ELMO1: variants seen among roughly 807,000 people sequenced by gnomAD.
ELMO1 encodes the protein engulfment and cell motility 1.
ELMO1 carries 26 observed loss-of-function variants against 98.9 expected under a neutral mutation model. The ratio of observed to expected loss-of-function variants is 0.26; its 90% CI spans 0.19 to 0.36. The LOEUF is 0.36. Ranked by LOEUF, ELMO1 falls within the 10% of genes least tolerant of loss-of-function variation. The probability of loss-of-function intolerance (pLI) is 1.00; values close to 1 mark genes in which losing one functional copy is unlikely to be tolerated. For synonymous variants in ELMO1, 346 were observed against 346.0 expected, an observed-to-expected ratio of 1.00 and a Z score of 0.00; for missense variants, 627 against 935.2, an observed-to-expected ratio of 0.67 and a Z score of 4.30.
intron 14 of ELMO1, among the ~76,000 whole-genome samples, chr7:37,125,182 C>T (rs1361884952): frequency 1.3e-5 from 2 of 152,080 alleles, no homozygotes; most frequent in African/African-American, 2.4e-5. Flanking sequence ...CCATAAAAAC[C>T]CTAAAAGAAA....
chr7:36,946,108 G>T (rs1273882143), intron 16 of ELMO1, among the ~76,000 whole-genome samples: 2 of 152,242 alleles, frequency 1.3e-5, no homozygotes, highest in Admixed American at 6.5e-5. Flanking sequence ...GTGCTTTTCT[G>T]CACCAAGCAC....
chr7:37,064,397 A>G (rs1447678697), intron 15 of ELMO1, among the ~76,000 whole-genome samples: 1 of 152,172 alleles, frequency 6.6e-6, no homozygotes, highest in East Asian at 1.9e-4. Context: ...TGCAGGGACT[A>G]TGTATGAGGG....
chr7:37,421,858 G>C lies in ELMO1; in HGVS notation c.-74+26817C>G, dbSNP rs1010300740. Among the ~76,000 whole-genome samples the C allele has an allele frequency of 3.6e-4, 55 of 152,180 alleles. 1 individual carries two copies. On this transcript the variant is annotated intron_variant, in intron 1 of 21. Transcript: ENST00000310758. ...TTCATTGGTCAAAACTGGCCCCTCT[G>C]CTTGGAGTTTACAATGCAGTGGGAC... is the stretch of plus-strand genomic sequence containing the variant.
At chr7:37,160,026 C>T (rs539112827) in intron 13 of ELMO1, among the ~76,000 whole-genome samples, 2 of 152,242 alleles carry the variant, frequency 1.3e-5, no homozygotes, top group East Asian at 1.9e-4. Flanking sequence ...ATCTGACTAT[C>T]GCAAACTCAA....
At chr7:37,418,794 T>C (rs1388791843) in intron 1 of ELMO1, among the ~76,000 whole-genome samples, 1 of 152,002 alleles carries the variant, frequency 6.6e-6, no homozygotes, top group Non-Finnish European at 1.5e-5. Context: ...GTGTCAGTCA[T>C]CAGGTTAAGC....
chr7:37,082,360 A>G (rs1452917563), intron 15 of ELMO1, among the ~76,000 whole-genome samples: 1 of 151,988 alleles, frequency 6.6e-6, no homozygotes, highest in East Asian at 1.9e-4. Context: ...TCCTCTCAAA[A>G]GATTCTGATG....
chr7:36,896,680 G>GT (rs59923094), intron 16 of ELMO1, among the ~76,000 whole-genome samples: 73 of 151,452 alleles, frequency 4.8e-4, no homozygotes, highest in African/African-American at 1.7e-3. Context: ...TTTTTTGTTT[G>GT]TTTTTTTTTT....
At chr7:37,191,732 A>T (rs952501800) in intron 13 of ELMO1, among the ~76,000 whole-genome samples, 1 of 152,166 alleles carries the variant, frequency 6.6e-6, no homozygotes, top group Admixed American at 6.5e-5. Context: ...ATCCTGGCCA[A>T]CATGGTCAAA....
chr7:37,385,770 T>C lies in ELMO1; in HGVS notation c.-73-43007A>G, dbSNP rs138663095. 8.6e-3 allele frequency among the ~76,000 whole-genome samples: 1,314 copies of C among 152,312 alleles called. 12 individuals carry two copies. Among genetic ancestry groups the C allele is most frequent in the Non-Finnish European group, 0.014 (970 of 68,018 alleles). The stretch of plus-strand genomic sequence containing the variant: ...AGCGCTAGCTTCCCACATGGCAAAA[T>C]GCATGCACACACACAAAATACGAAG... On this transcript the variant is annotated intron_variant, in intron 1 of 21. Coordinates refer to ENST00000310758, the MANE Select transcript of ELMO1 (RefSeq NM_014800.11).
chr7:37,334,045 G>A (rs888164456), intron 2 of ELMO1, among the ~76,000 whole-genome samples: 2 of 152,164 alleles, frequency 1.3e-5, no homozygotes, highest in East Asian at 3.9e-4. Context: ...TCAAATGTAG[G>A]TCCAACAGCA....
At chr7:37,029,409 A>T (rs959974268) in intron 15 of ELMO1, among the ~76,000 whole-genome samples, 7 of 90,796 alleles carry the variant, frequency 7.7e-5, no homozygotes, top group African/African-American at 3.6e-4. Flanking sequence ...TGATTTCTTT[A>T]AAAAAAAAAA....
intron 7 of ELMO1, among the ~76,000 whole-genome samples, 186 bp downstream of exon 7, chr7:37,244,170 G>A (rs566271418): frequency 6.6e-6 from 1 of 152,070 alleles, no homozygotes; most frequent in African/African-American, 2.4e-5. Context: ...GCAAAAAAAG[G>A]GGGGAAAATA....
intron 1 of ELMO1, among the ~76,000 whole-genome samples, chr7:37,363,612 C>G (rs913173385): frequency 1.3e-5 from 2 of 152,198 alleles, no homozygotes; most frequent in Non-Finnish European, 2.9e-5. Flanking sequence ...CTCTCTTCCT[C>G]TCCATTTTCC....
At chr7:36,970,211 ACACACACACG>A (rs1271155319) in intron 16 of ELMO1, among the ~76,000 whole-genome samples, 7 of 147,662 alleles carry the variant, frequency 4.7e-5, no homozygotes, top group Admixed American at 2.0e-4. Flanking sequence ...ACACACACAC[ACACACACACG>A]CACACCAAGG....
intron 15 of ELMO1, among the ~76,000 whole-genome samples, chr7:37,022,839 C>G (rs920094068): frequency 6.6e-6 from 1 of 152,146 alleles, no homozygotes; most frequent in Non-Finnish European, 1.5e-5. Context: ...AAATGTCCAT[C>G]CAGCAGATTG....
chr7:36,950,493 C>A (rs1787879845), intron 16 of ELMO1, among the ~76,000 whole-genome samples: 1 of 152,252 alleles, frequency 6.6e-6, no homozygotes, highest in Non-Finnish European at 1.5e-5. Context: ...CTCCTATCTT[C>A]TGCTTCTGTC....
chr7:37,374,516 C>T (rs529365471), intron 1 of ELMO1, among the ~76,000 whole-genome samples: 10 of 152,262 alleles, frequency 6.6e-5, no homozygotes, highest in Admixed American at 5.9e-4. Flanking sequence ...CTTTGGGAGG[C>T]CGAGGCGGGT....
At chr7:37,078,765 C>A (rs1353715580) in intron 15 of ELMO1, among the ~76,000 whole-genome samples, 1 of 152,010 alleles carries the variant, frequency 6.6e-6, no homozygotes, top group Non-Finnish European at 1.5e-5. Flanking sequence ...TGAGTCTAGT[C>A]AAATTAATTA....
chr7:37,281,717 TA>T lies in ELMO1; in HGVS notation c.193-9836del, dbSNP rs1315434099. The stretch of plus-strand genomic sequence containing the variant: ...AGAATCGTCACAGTCTAAACTTTTC[TA>T]AGACTACACATGACATTTGGAATAA... On this transcript the variant is annotated intron_variant, in intron 4 of 21. Transcript: ENST00000310758. 5.9e-5 allele frequency among the ~76,000 whole-genome samples: 9 copies of T among 152,316 alleles called. No homozygotes were observed. The East Asian group carries it at 1.7e-3, about 29-fold the overall frequency.
Sources: gnomAD v4.1 joint callset for allele counts (sites outside exome capture counted in the v4.1 genomes callset) on GRCh38, gnomAD v4.1.1 for gene constraint, MANE v1.5 for transcripts, NCBI Gene and HGNC (gene_info 2026-07-23, HGNC 2026-07-21) for gene names.